The following TLE4 variants were observed in gnomAD, a reference collection of about 807,000 sequenced individuals.
TLE4 encodes transducin-like enhancer protein 4.
Under a neutral mutation model 92.8 loss-of-function variants are expected in TLE4, and 8 were observed. That is an observed-to-expected ratio of 0.09 (90% confidence interval 0.05 to 0.16). The LOEUF is 0.16. Ranked by LOEUF, TLE4 falls within the 10% of genes least tolerant of loss-of-function variation. The pLI, the probability that TLE4 is intolerant of heterozygous loss-of-function variation, is 1.00. For synonymous variants in TLE4, 371 were observed against 374.1 expected (o/e 0.99, Z 0.10); for missense variants, 675 against 997.6 (o/e 0.68, Z 4.36).
chr9:79,626,279 C>T (rs1485969917), intron 5 of TLE4, among the ~76,000 whole-genome samples: 1 of 152,156 alleles, frequency 6.6e-6, no homozygotes, highest in East Asian at 1.9e-4. Context: ...ACTGATAGCT[C>T]TTTGTATTAT....
chr9:79,714,793 A>G (rs1272282447), intron 14 of TLE4, among the ~76,000 whole-genome samples: 1 of 152,170 alleles, frequency 6.6e-6, no homozygotes, highest in Non-Finnish European at 1.5e-5. Context: ...TATGGATGGG[A>G]GGTACTTAAC....
chr9:79,634,644 A>G (rs1305040711), intron 6 of TLE4, among the ~76,000 whole-genome samples: 2 of 152,268 alleles, frequency 1.3e-5, no homozygotes, highest in Non-Finnish European at 2.9e-5. Flanking sequence ...TACTCTTTGT[A>G]GTCAGTCATT....
At chr9:79,605,803 G>A (rs937016088) in intron 4 of TLE4, among the ~76,000 whole-genome samples, 1 of 152,028 alleles carries the variant, frequency 6.6e-6, no homozygotes, top group African/African-American at 2.4e-5. Context: ...CGCACATTGG[G>A]TACTTTAAAG....
chr9:79,653,720 A>G (rs780045789), intron 7 of TLE4, among the ~76,000 whole-genome samples: 5 of 152,230 alleles, frequency 3.3e-5, no homozygotes, highest in Non-Finnish European at 7.3e-5. Flanking sequence ...CATCTCTGAT[A>G]TTAAAAACAC....
chr9:79,621,248 G>A (rs2050890783), intron 5 of TLE4, among the ~76,000 whole-genome samples: 1 of 152,152 alleles, frequency 6.6e-6, no homozygotes, highest in African/African-American at 2.4e-5. Flanking sequence ...ACTTTCACTT[G>A]AATTTGATCT....
Position 79,720,120 on chromosome 9 carries a change from T to C in TLE4, c.1665T>C (p.Ser555=). 1 of 1,614,194 alleles carries C rather than the reference T, an allele frequency of 6.2e-7. No homozygotes were observed. The highest frequency in any genetic ancestry group is 2.2e-5 in the East Asian group (1 of 44,864). ...CCCTAATTGTTGGAGGGGAAGCCAG[T>C]ACTTTGTCCATTTGGGACCTGGCGG... ...GRTLIVGGEA[S]TLSIWDLAAP... is the part of the protein sequence containing the mutation. The change falls in exon 16 of 20, where the codon AGT becomes AGC. Residue 555 remains serine (S), a synonymous_variant. Coordinates refer to ENST00000376552, the MANE Select transcript of TLE4 (RefSeq NM_007005.6).
chr9:79,630,434 G>T (rs1018688767), intron 6 of TLE4, among the ~76,000 whole-genome samples: 2 of 152,156 alleles, frequency 1.3e-5, no homozygotes, highest in Admixed American at 6.5e-5. Flanking sequence ...TTATTTATAA[G>T]GAAGAAAACC....
At chr9:79,718,693 T>G in intron 14 of TLE4, 29 bp from the exon 15 acceptor site, 2 of 1,590,466 alleles carry the variant, frequency 1.3e-6, no homozygotes, top group Non-Finnish European at 1.7e-6. Context: ...TACATTCCCC[T>G]CTTTCTTTTT....
At chr9:79,701,829 C>G (rs982724764) in intron 8 of TLE4, among the ~76,000 whole-genome samples, 1 of 152,160 alleles carries the variant, frequency 6.6e-6, no homozygotes, top group Non-Finnish European at 1.5e-5. Context: ...CTGGGCAGTT[C>G]CCTTCTGCTC....
chr9:79,629,387 T>G (rs2053590342), intron 6 of TLE4, among the ~76,000 whole-genome samples: 1 of 152,158 alleles, frequency 6.6e-6, no homozygotes, highest in Admixed American at 6.5e-5. Flanking sequence ...TTTATTCATT[T>G]TTATATACTT....
chr9:79,643,204 G>A (rs745402867), intron 6 of TLE4, among the ~76,000 whole-genome samples: 3 of 152,124 alleles, frequency 2.0e-5, no homozygotes, highest in Admixed American at 6.5e-5. Context: ...TTAACGTATC[G>A]TCACTTTTGT....
chr9:79,624,398 G>A (rs1448498948), intron 5 of TLE4, among the ~76,000 whole-genome samples: 1 of 152,154 alleles, frequency 6.6e-6, no homozygotes, highest in Non-Finnish European at 1.5e-5. Flanking sequence ...TGCTTTCAGA[G>A]CACACAGGGG....
At chr9:79,646,411 C>G (rs746153259) in intron 6 of TLE4, among the ~76,000 whole-genome samples, 5 of 152,122 alleles carry the variant, frequency 3.3e-5, no homozygotes, top group South Asian at 2.1e-4. Context: ...AAACCTTACT[C>G]CTTTTCCAGG....
At chr9:79,704,596 ACTTGT>A in intron 8 of TLE4, 182 bp from the exon 9 acceptor site, 2 of 642,746 alleles carry the variant, frequency 3.1e-6, no homozygotes, top group Non-Finnish European at 5.0e-6. Context: ...GTCTTTTGCT[ACTTGT>A]CTTTCCCTTT....
At chr9:79,690,972 T>C (rs990238763) in intron 8 of TLE4, among the ~76,000 whole-genome samples, 5 of 152,080 alleles carry the variant, frequency 3.3e-5, no homozygotes, top group South Asian at 4.2e-4. Flanking sequence ...CTGTATCTTA[T>C]TGCAAATGCA....
intron 6 of TLE4, among the ~76,000 whole-genome samples, chr9:79,645,553 G>T (rs1258982974): frequency 6.6e-6 from 1 of 152,136 alleles, no homozygotes. Flanking sequence ...CATTTCAAAA[G>T]ACATTTCTTG....
At chr9:79,666,071 A>G (rs1695667736) in intron 8 of TLE4, among the ~76,000 whole-genome samples, 1 of 152,114 alleles carries the variant, frequency 6.6e-6, no homozygotes, top group Non-Finnish European at 1.5e-5. Flanking sequence ...AAAAGTAGAA[A>G]TTCCACAATT....
chr9:79,588,946 C>T (rs1215196044), intron 4 of TLE4, among the ~76,000 whole-genome samples: 1 of 152,206 alleles, frequency 6.6e-6, no homozygotes, highest in Admixed American at 6.5e-5. Context: ...GCAGTGGTTG[C>T]AAACTGGAGC....
rs563183831 is a variant in TLE4, at chr9:79,695,838, C to A, written c.610-8945C>A. Among the ~76,000 whole-genome samples the A allele has an allele frequency of 5.9e-5, 9 of 152,272 alleles. No individual in the cohort carries two copies. In the South Asian group the frequency reaches 1.9e-3, roughly 32 times the overall value. ...TCAGGCTGGGAAAGAGAGTTCTTGG[C>A]AGAAGTCTGCACAGAGGCTCTGAAG... On this transcript the variant is annotated intron_variant, in intron 8 of 19. Transcript: ENST00000376552.
Sources: gnomAD v4.1 joint callset for allele counts (sites outside exome capture counted in the v4.1 genomes callset) on GRCh38, gnomAD v4.1.1 for gene constraint, MANE v1.5 for transcripts, NCBI Gene and HGNC (gene_info 2026-07-23, HGNC 2026-07-21) for gene names.